Variants in RPL36 observed in about 807,000 individuals in gnomAD.
RPL36 encodes ribosomal protein L36.
For missense variants in RPL36, 131 were observed against 144.9 expected, an observed-to-expected ratio of 0.90 and a Z score of 0.49; for synonymous variants, 74 against 56.0, an observed-to-expected ratio of 1.32 and a Z score of -1.44.
intron 2 of RPL36, 31 bp from the exon 3 acceptor site, chr19:5,691,288 C>T (rs760091627): frequency 2.5e-6 from 4 of 1,611,970 alleles, no homozygotes; most frequent in African/African-American, 2.7e-5. Flanking sequence ...AGGGATCCCC[C>T]TACCCTGACG....
At chr19:5,691,253 G>A in intron 2 of RPL36, 66 bp from the exon 3 acceptor site, 3 of 1,607,490 alleles carry the variant, frequency 1.9e-6, no homozygotes, top group South Asian at 1.1e-5. Flanking sequence ...GCGGCAGCGC[G>A]AGAGAAGCTG....
chr19:5,691,441 T>A lies in RPL36; in HGVS notation c.216T>A (p.Phe72Leu), dbSNP rs1422546459. 6.2e-7 allele frequency: 1 copy of A among 1,613,676 alleles called. No homozygotes were observed. The highest frequency in any genetic ancestry group is 1.3e-5 in the African/African-American group (1 of 74,868). The change falls in exon 3 of 4, where the codon TTT becomes TTA. Residue 72 changes from phenylalanine (F) to leucine (L), a missense_variant. Coordinates refer to ENST00000347512, the MANE Select transcript of RPL36 (RefSeq NM_033643.3). ...KVSKDKRALK[F>L]IKKRVGTHIR... ...CCAAGGACAAACGGGCCCTCAAATTTATCAAGAAAAGGGTAGGTGGGCGCT... is the reference window on the plus strand; with the variant it reads ...CCAAGGACAAACGGGCCCTCAAATTAATCAAGAAAAGGGTAGGTGGGCGCT...
chr19:5,691,633 G>A lies in RPL36; in HGVS notation c.*12G>A. ...CCAAGAAAGACTGAGCCCCTCCCCT[G>A]CCCTCTCCCTGAAATAAAGAACAGC... On this transcript the variant is annotated 3_prime_UTR_variant, in exon 4 of 4. Transcript: ENST00000347512. 1 of 1,597,744 alleles carries A rather than the reference G, an allele frequency of 6.3e-7. No homozygotes were observed. Among genetic ancestry groups the A allele is most frequent in the East Asian group, 2.2e-5 (1 of 44,512 alleles).
chr19:5,691,738 C>T lies in RPL36; in HGVS notation c.*117C>T. The T allele has an allele frequency of 8.9e-6, 10 of 1,126,138 alleles. No homozygotes were observed. Among genetic ancestry groups the T allele is most frequent in the Middle Eastern group, 2.8e-4 (1 of 3,566 alleles). 69.8% of individuals were successfully genotyped at this position (1,126,138 alleles called of 1,614,324 possible). The stretch of plus-strand genomic sequence containing the variant: ...GGCCCGCAGTCCCCTGTCTGGTGCC[C>T]GCTCTGAGCCACACCCTCTCCGGGT... On this transcript the variant is annotated 3_prime_UTR_variant, in exon 4 of 4. Coordinates refer to ENST00000347512, the MANE Select transcript of RPL36 (RefSeq NM_033643.3).
At chr19:5,691,219 G>A in intron 2 of RPL36, 100 bp from the exon 3 acceptor site, 3 of 1,562,422 alleles carry the variant, frequency 1.9e-6, no homozygotes, top group Non-Finnish European at 2.6e-6. Context: ...TACCCACAGA[G>A]GGGAGGAAGT....
intron 2 of RPL36, chr19:5,690,981 G>A: frequency 1.9e-6 from 1 of 529,958 alleles, no homozygotes. Flanking sequence ...AGCGGGTTTG[G>A]GGTTCTGACG....
chr19:5,690,832 T>G (rs1315878481), intron 2 of RPL36: 3 of 594,684 alleles, frequency 5.0e-6, no homozygotes, highest in African/African-American at 1.9e-5. Flanking sequence ...GGGAGCACCT[T>G]GAGAGCGGCG....
In RPL36 at chr19:5,691,382, T is replaced by C. The variant is rs943535717; in HGVS notation, c.157T>C (p.Tyr53His). 1 of 1,613,766 alleles carries C rather than the reference T, an allele frequency of 6.2e-7. No homozygotes were observed. Among genetic ancestry groups the C allele is most frequent in the African/African-American group, 1.3e-5 (1 of 74,910 alleles). The change falls in exon 3 of 4, where the codon TAC becomes CAC. Residue 53 changes from tyrosine (Y) to histidine (H), a missense_variant. Coordinates refer to ENST00000347512, the MANE Select transcript of RPL36 (RefSeq NM_033643.3). The part of the protein sequence containing the change: ...MIREVCGFAP[Y>H]ERRAMELLKV... ...TCGGGAGGTGTGTGGCTTTGCCCCG[T>C]ACGAGCGGCGCGCCATGGAGTTACT...
rs1568306653 is a variant in RPL36, at chr19:5,690,673, C to T, written c.93+73C>T. 3.2e-6 allele frequency: 4 copies of T among 1,261,902 alleles called. No homozygotes were observed. In the East Asian group the frequency reaches 7.6e-5, roughly 24 times the overall value. The allele number at this position is 1,261,902 out of a possible 1,614,324, so 78.2% of individuals were successfully genotyped here. ...GGAGGGCATGGCTTGGGCAAAGGCTCTCGACCTGAAAGAACGCGCGTTCGG... is the reference window on the plus strand; with the variant it reads ...GGAGGGCATGGCTTGGGCAAAGGCTTTCGACCTGAAAGAACGCGCGTTCGG... On this transcript the variant is annotated intron_variant, in intron 2 of 3. Coordinates refer to ENST00000347512, the MANE Select transcript of RPL36 (RefSeq NM_033643.3).
At position 5,691,723 on chromosome 19, in the gene RPL36, C is replaced by A; in HGVS notation, c.*102C>A. The A allele has an allele frequency of 8.0e-7, 1 of 1,252,414 alleles. No homozygotes were observed. The highest frequency in any genetic ancestry group is 1.3e-5 in the South Asian group (1 of 77,906). The allele number at this position is 1,252,414 out of a possible 1,614,324, so 77.6% of individuals were successfully genotyped here. A position where few individuals can be genotyped will look rare whatever the true frequency, so the allele number is the denominator to read the frequency against. ...TGTGGGTGTGTCGGGGGCCCGCAGT[C>A]CCCTGTCTGGTGCCCGCTCTGAGCC... On this transcript the variant is annotated 3_prime_UTR_variant, in exon 4 of 4. Coordinates refer to ENST00000347512, the MANE Select transcript of RPL36 (RefSeq NM_033643.3).
intron 2 of RPL36, 82 bp from the exon 3 acceptor site, chr19:5,691,237 G>C: frequency 6.3e-7 from 1 of 1,597,700 alleles, no homozygotes; most frequent in Non-Finnish European, 8.6e-7. Flanking sequence ...AGTAGCCAGG[G>C]AAATCGCGGC....
At chr19:5,691,058 G>A (rs1351753810) in intron 2 of RPL36, 2 of 581,152 alleles carry the variant, frequency 3.4e-6, no homozygotes, top group Non-Finnish European at 6.2e-6. Context: ...GGGATTTCAG[G>A]TGTGTCAGTG....
At chr19:5,691,495 G>T in intron 3 of RPL36, 37 bp from the exon 4 acceptor site, 1 of 1,607,856 alleles carries the variant, frequency 6.2e-7, no homozygotes, top group South Asian at 1.1e-5. Context: ...TGGGATGGGA[G>T]TCAGGGCCGG....
intron 1 of RPL36, 24 bp from the exon 2 acceptor site, chr19:5,690,482 C>T (rs562491060): frequency 2.0e-6 from 3 of 1,525,912 alleles, no homozygotes; most frequent in African/African-American, 2.7e-5. Context: ...CACCTCCGCC[C>T]CTTCTCCCCG....
At position 5,691,848 on chromosome 19, in the gene RPL36, T is replaced by TTAATCATTAAATA. The variant is rs1312117321; in HGVS notation, c.*228_*240dup. 28 of 814,204 alleles carry TTAATCATTAAATA rather than the reference T, an allele frequency of 3.4e-5. No individual in the cohort carries two copies. Among genetic ancestry groups the TTAATCATTAAATA allele is most frequent in the Non-Finnish European group, 5.1e-5 (27 of 524,982 alleles). The allele number at this position is 814,204 out of a possible 1,614,324, so 50.4% of individuals were successfully genotyped here. On this transcript the variant is annotated 3_prime_UTR_variant, in exon 4 of 4. Transcript: ENST00000347512. Reference sequence around the variant, plus strand: ...GGAAGCCGCCGTACTGCAAATGACTTTAATCATTAAATAGCTTCTATGCCA... The same window carrying TTAATCATTAAATA: ...GGAAGCCGCCGTACTGCAAATGACTTTAATCATTAAATATAATCATTAAATAGCTTCTATGCCA...
At chr19:5,690,758 C>G in intron 2 of RPL36, 158 bp downstream of exon 2, 1 of 666,396 alleles carries the variant, frequency 1.5e-6, no homozygotes, top group Non-Finnish European at 2.6e-6. Context: ...GACTTCCTGC[C>G]TGGTGCTCGA....
chr19:5,690,306 G>T lies in RPL36; in HGVS notation c.-24G>T. ...CGCGCGGCGCCAGCCCTTCCGCCAC[G>T]GCCGTCTCTGGAGAGCAGCAGGTAA... On this transcript the variant is annotated 5_prime_UTR_variant, in exon 1 of 4. Coordinates refer to ENST00000347512, the MANE Select transcript of RPL36 (RefSeq NM_033643.3). The T allele has an allele frequency of 1.6e-6, 1 of 616,648 alleles. No homozygotes were observed. The highest frequency in any genetic ancestry group is 4.3e-4 in the Middle Eastern group (1 of 2,306). The allele number at this position is 616,648 out of a possible 1,614,324, so 38.2% of individuals were successfully genotyped here.
In RPL36 at chr19:5,691,771, GGTC is replaced by G. The variant is rs561071817; in HGVS notation, c.*153_*155del. 5.6e-4 allele frequency: 554 copies of G among 988,184 alleles called. 13 individuals carry two copies. In the South Asian group the frequency reaches 7.2e-3, roughly 13 times the overall value. The allele number at this position is 988,184 out of a possible 1,614,324, so 61.2% of individuals were successfully genotyped here. ...GCCACACCCTCTCCGGGTGCTGCCT[GGTC>G]GTGAATCAAAAGCCGTGGCCCGCCC... On this transcript the variant is annotated 3_prime_UTR_variant, in exon 4 of 4. Coordinates refer to ENST00000347512, the MANE Select transcript of RPL36 (RefSeq NM_033643.3).
At chr19:5,691,265 T>G (rs1046695567) in intron 2 of RPL36, 54 bp from the exon 3 acceptor site, 18 of 1,610,856 alleles carry the variant, frequency 1.1e-5, no homozygotes, top group Non-Finnish European at 1.5e-5. Flanking sequence ...GAGAAGCTGC[T>G]TAACTAGAAT....
Sources: allele counts gnomAD v4.1 joint callset, GRCh38; gene constraint gnomAD v4.1.1; transcripts MANE v1.5; gene names NCBI Gene and HGNC (gene_info 2026-07-23, HGNC 2026-07-21).